Variants in TENM3 observed in about 807,000 individuals in gnomAD.
The protein encoded by TENM3 is teneurin transmembrane protein 3.
TENM3 carries 63 observed loss-of-function variants against 255.1 expected under a neutral mutation model. The observed-to-expected ratio is 0.25, with a 90% CI of 0.20 to 0.30. The LOEUF (loss-of-function observed/expected upper bound fraction) is 0.30, where lower values mean the gene tolerates loss of function less well. Ranked by LOEUF, TENM3 falls within the 10% of genes least tolerant of loss-of-function variation. The probability of loss-of-function intolerance (pLI) is 1.00; values close to 1 mark genes in which losing one functional copy is unlikely to be tolerated. For missense variants in TENM3, 2,929 were observed against 3,461.1 expected (o/e 0.85, Z 3.86); for synonymous variants, 1,306 against 1,322.3 (o/e 0.99, Z 0.27).
chr4:181,582,669 C>CAAAAAAAAAAAAAAAAAGAAAAAAAAAAA, the TENM3 span, among the ~76,000 whole-genome samples: 2 of 124,752 alleles, frequency 1.6e-5, no homozygotes, highest in Non-Finnish European at 3.3e-5. Flanking sequence ...CAAAACAAAT[C>CAAAAAAAAAAAAAAAAAGAAAAAAAAAAA]AAAAAAAAAA....
At chr4:182,728,595 G>A (rs1208901281) in intron 13 of TENM3, among the ~76,000 whole-genome samples, 3 of 152,058 alleles carry the variant, frequency 2.0e-5, no homozygotes, top group Non-Finnish European at 4.4e-5. Flanking sequence ...ATGTACTTAC[G>A]CAAATCTAGA....
chr4:181,876,711 C>A, the TENM3 span, among the ~76,000 whole-genome samples: 1 of 152,050 alleles, frequency 6.6e-6, no homozygotes, highest in African/African-American at 2.4e-5. Context: ...ATTTAAAACC[C>A]TTAAAACTTC....
At position 182,759,449 on chromosome 4, in the gene TENM3, A is replaced by G. The variant is rs539664203; in HGVS notation, c.4892+4190A>G. 2.0e-5 allele frequency among the ~76,000 whole-genome samples: 3 copies of G among 152,350 alleles called. No individual in the cohort carries two copies. The East Asian group carries it at 5.8e-4, about 29-fold the overall frequency. ...TAAGTTAGTTCACACCTCCGTACCA[A>G]TACTGAATGTTGAAAATGTTAACGT... On this transcript the variant is annotated intron_variant, in intron 22 of 27. Coordinates refer to ENST00000511685, the MANE Select transcript of TENM3 (RefSeq NM_001080477.4).
chr4:181,659,539 G>A, the TENM3 span, among the ~76,000 whole-genome samples: 1 of 152,136 alleles, frequency 6.6e-6, no homozygotes, highest in African/African-American at 2.4e-5. Flanking sequence ...TTTTCTCAGT[G>A]CATTTCCATT....
At chr4:182,034,795 T>C in the TENM3 span, among the ~76,000 whole-genome samples, 11 of 152,204 alleles carry the variant, frequency 7.2e-5, no homozygotes, top group Non-Finnish European at 1.5e-4. Context: ...ACCTGGACTT[T>C]CTTTCTGGCT....
the TENM3 span, among the ~76,000 whole-genome samples, chr4:181,477,926 G>A: frequency 6.6e-6 from 1 of 152,242 alleles, no homozygotes; most frequent in South Asian, 2.1e-4. Context: ...CCCTCCCCCT[G>A]TCCTTCACAG....
At chr4:181,524,593 A>G in the TENM3 span, among the ~76,000 whole-genome samples, 7 of 152,300 alleles carry the variant, frequency 4.6e-5, no homozygotes, top group East Asian at 1.9e-4. Context: ...TTAATTATCT[A>G]TGGTTCCCCA....
chr4:182,154,307 A>C (rs1750547403), intron 1 of TENM3, among the ~76,000 whole-genome samples: 1 of 152,076 alleles, frequency 6.6e-6, no homozygotes, highest in Non-Finnish European at 1.5e-5. Flanking sequence ...GGGGATAGGA[A>C]GCTTTGTGGA....
At chr4:182,006,281 G>A in the TENM3 span, among the ~76,000 whole-genome samples, 7 of 151,818 alleles carry the variant, frequency 4.6e-5, no homozygotes, top group Non-Finnish European at 1.0e-4. Context: ...CAGTTTTTTG[G>A]AACAGTTTCA....
chr4:182,569,719 G>C (rs1744174383), intron 3 of TENM3, among the ~76,000 whole-genome samples: 1 of 152,192 alleles, frequency 6.6e-6, no homozygotes, highest in Non-Finnish European at 1.5e-5. Context: ...TTAATGGGCA[G>C]AAGTGAAGAC....
chr4:182,199,720 C>CTTTTTTTTTTT (rs367906246), intron 1 of TENM3, among the ~76,000 whole-genome samples: 3 of 104,846 alleles, frequency 2.9e-5, no homozygotes, highest in African/African-American at 1.1e-4. Flanking sequence ...AACATCATTG[C>CTTTTTTTTTTT]TTTTTTTTTT....
Position 182,800,609 on chromosome 4 carries a change from T to G in TENM3, c.*258T>G. 2.6e-6 allele frequency: 1 copy of G among 384,460 alleles called. No homozygotes were observed. Among genetic ancestry groups the G allele is most frequent in the Non-Finnish European group, 4.7e-6 (1 of 214,528 alleles). The allele number at this position is 384,460 out of a possible 1,614,324, so 23.8% of individuals were successfully genotyped here. ...ACGTAGCCAGAGGAAAAAAAAATCA[T>G]CAAGGACAAAGGCCTCGACCTGTTG... is the stretch of plus-strand genomic sequence containing the variant. On this transcript the variant is annotated 3_prime_UTR_variant, in exon 28 of 28. Transcript: ENST00000511685.
chr4:182,338,646 CATTGG>C (rs1580210189), intron 2 of TENM3, among the ~76,000 whole-genome samples: 1 of 152,148 alleles, frequency 6.6e-6, no homozygotes, highest in East Asian at 1.9e-4. Flanking sequence ...TCACTGGTAG[CATTGG>C]ACAGATATAA....
At chr4:182,679,131 C>G (rs1001207278) in intron 7 of TENM3, among the ~76,000 whole-genome samples, 4 of 151,990 alleles carry the variant, frequency 2.6e-5, no homozygotes, top group African/African-American at 9.7e-5. Context: ...ATGGGTGCAG[C>G]AAACCACCAT....
chr4:182,596,174 A>G (rs1747200801), intron 3 of TENM3, among the ~76,000 whole-genome samples: 1 of 152,220 alleles, frequency 6.6e-6, no homozygotes, highest in African/African-American at 2.4e-5. Context: ...AGGATCTAAG[A>G]GTTAAGTTGG....
chr4:182,708,833 GAGTA>G (rs1326000783), intron 12 of TENM3, among the ~76,000 whole-genome samples: 1 of 150,970 alleles, frequency 6.6e-6, no homozygotes, highest in Non-Finnish European at 1.5e-5. Flanking sequence ...ACCCAGAAAA[GAGTA>G]AGACTTGCCA....
At chr4:181,736,356 A>T in the TENM3 span, among the ~76,000 whole-genome samples, 1 of 152,156 alleles carries the variant, frequency 6.6e-6, no homozygotes. Context: ...ATGCAAAAAG[A>T]GTAGAGGTTG....
At chr4:182,185,863 A>G (rs1429532064) in intron 1 of TENM3, among the ~76,000 whole-genome samples, 1 of 152,234 alleles carries the variant, frequency 6.6e-6, no homozygotes, top group African/African-American at 2.4e-5. Context: ...CAGCGGTTGT[A>G]CATAGAAAAC....
chr4:181,560,904 G>T, the TENM3 span, among the ~76,000 whole-genome samples: 4 of 152,152 alleles, frequency 2.6e-5, no homozygotes, highest in African/African-American at 9.7e-5. Flanking sequence ...CAACAACAAG[G>T]GAGGGAGGAG....
Sources: gnomAD v4.1 joint callset for allele counts (sites outside exome capture counted in the v4.1 genomes callset) on GRCh38, gnomAD v4.1.1 for gene constraint, MANE v1.5 for transcripts, NCBI Gene and HGNC (gene_info 2026-07-23, HGNC 2026-07-21) for gene names.